The following CNNM2 variants were observed in gnomAD, a reference collection of about 807,000 sequenced individuals.
The protein encoded by CNNM2 is metal transporter CNNM2.
In CNNM2, 12 loss-of-function variants were observed where a neutral mutation model predicts 66.9. The ratio of observed to expected loss-of-function variants is 0.18; its 90% CI spans 0.11 to 0.29. The LOEUF is 0.29. Among genes scored for constraint, CNNM2 ranks in the 10% least tolerant of loss-of-function variants. CNNM2 has a pLI of 1.00. For synonymous variants in CNNM2, 557 were observed against 501.8 expected (o/e 1.11, Z -1.47); for missense variants, 705 against 1,167.7 (o/e 0.60, Z 5.77).
intron 1 of CNNM2, among the ~76,000 whole-genome samples, chr10:102,920,754 G>A (rs904031066): frequency 2.0e-5 from 3 of 152,138 alleles, no homozygotes; most frequent in Admixed American, 6.6e-5. Flanking sequence ...AAGAGTTGTT[G>A]TTGTTGTTTT....
At position 102,918,621 on chromosome 10, in the gene CNNM2, G is replaced by A; in HGVS notation, c.141G>A (p.Arg47=). Residue 47 remains arginine, a synonymous_variant, in exon 1 of 8, where the codon CGG becomes CGA. Transcript: ENST00000369878. This position sits in a 1 kb window ranked among gnomAD's most constrained non-coding sequence, Gnocchi z 4.1. ...GGATCCTGCAGGCGGCTGCGGGGCG[G>A]CTGCTGCCGCTGCTCCTGCTGAGCT... The part of the protein sequence containing the change: ...GRGILQAAAG[R]LLPLLLLSCC... 1.3e-6 allele frequency: 2 copies of A among 1,542,876 alleles called. No homozygotes were observed. Among genetic ancestry groups the A allele is most frequent in the Non-Finnish European group, 1.7e-6 (2 of 1,145,384 alleles).
intron 1 of CNNM2, among the ~76,000 whole-genome samples, chr10:103,026,212 A>T (rs1397783359): frequency 6.6e-6 from 1 of 152,208 alleles, no homozygotes; most frequent in Non-Finnish European, 1.5e-5. Flanking sequence ...CACAAAATGG[A>T]CTGAGACAGT....
chr10:102,976,804 C>G (rs767841870), intron 1 of CNNM2, among the ~76,000 whole-genome samples: 10 of 151,696 alleles, frequency 6.6e-5, no homozygotes, highest in Non-Finnish European at 1.5e-4. Flanking sequence ...TTCAAACTCT[C>G]TGAGCTTCAG....
chr10:103,066,029 C>T (rs1241182079), intron 4 of CNNM2, among the ~76,000 whole-genome samples: 1 of 152,170 alleles, frequency 6.6e-6, no homozygotes, highest in African/African-American at 2.4e-5. Flanking sequence ...ACTGATTCCT[C>T]TGTAGGGTAG....
At chr10:103,055,256 G>T (rs116625729) in intron 3 of CNNM2, among the ~76,000 whole-genome samples, 15 of 152,288 alleles carry the variant, frequency 9.8e-5, no homozygotes, top group African/African-American at 3.6e-4. Flanking sequence ...AGAAGACATC[G>T]GTGTCCCTGA....
chr10:103,004,920 T>G (rs137987524), intron 1 of CNNM2, among the ~76,000 whole-genome samples: 2 of 152,346 alleles, frequency 1.3e-5, no homozygotes, highest in Non-Finnish European at 2.9e-5. Flanking sequence ...GAGAAAGAAC[T>G]AGTGTTTCAA....
chr10:103,058,508 T>C (rs2065331568), intron 4 of CNNM2, among the ~76,000 whole-genome samples: 1 of 152,244 alleles, frequency 6.6e-6, no homozygotes, highest in South Asian at 2.1e-4. Flanking sequence ...TCAGTAATGC[T>C]TTATTGCTAT....
At chr10:102,932,016 A>T (rs1411228806) in intron 1 of CNNM2, among the ~76,000 whole-genome samples, 1 of 152,082 alleles carries the variant, frequency 6.6e-6, no homozygotes, top group Non-Finnish European at 1.5e-5. Context: ...CCCATTTTTA[A>T]CTTGGGTTAT....
At chr10:103,068,343 ATC>A (rs1466165927) in intron 4 of CNNM2, 1 of 315,688 alleles carries the variant, frequency 3.2e-6, no homozygotes, top group African/African-American at 2.1e-5. Context: ...AAGGAGATCT[ATC>A]TCTACAAAGA....
At chr10:102,972,643 A>G (rs539152119) in intron 1 of CNNM2, among the ~76,000 whole-genome samples, 1 of 152,284 alleles carries the variant, frequency 6.6e-6, no homozygotes, top group South Asian at 2.1e-4. Flanking sequence ...CAAAATAAAA[A>G]AAGCTCCCTG....
intron 1 of CNNM2, among the ~76,000 whole-genome samples, chr10:103,026,927 G>A (rs1330099194): frequency 6.6e-6 from 1 of 152,144 alleles, no homozygotes; most frequent in Non-Finnish European, 1.5e-5. Flanking sequence ...GCTGGTGCAT[G>A]GTACAGTGCT....
At chr10:102,955,879 A>C (rs1418999436) in intron 1 of CNNM2, among the ~76,000 whole-genome samples, 1 of 152,250 alleles carries the variant, frequency 6.6e-6, no homozygotes, top group Non-Finnish European at 1.5e-5. Context: ...GAAACAGGCC[A>C]GGAGCGTTGG....
At chr10:103,038,084 C>T (rs910289709) in intron 1 of CNNM2, among the ~76,000 whole-genome samples, 16 of 152,230 alleles carry the variant, frequency 1.1e-4, no homozygotes, top group Admixed American at 7.2e-4. Flanking sequence ...AAGCCATTTG[C>T]GCACCTTAGC....
chr10:102,921,123 G>A, intron 1 of CNNM2: 1 of 772,598 alleles, frequency 1.3e-6, no homozygotes, highest in Non-Finnish European at 1.6e-6. Flanking sequence ...CAGGTAAATA[G>A]CAACTTGTAC....
At chr10:103,022,298 A>G (rs569977814) in intron 1 of CNNM2, among the ~76,000 whole-genome samples, 16 of 152,146 alleles carry the variant, frequency 1.1e-4, no homozygotes, top group Non-Finnish European at 1.9e-4. Context: ...TGAGTATTTT[A>G]TATGTAATTT....
intron 1 of CNNM2, among the ~76,000 whole-genome samples, chr10:103,047,798 C>T (rs952711735): frequency 1.3e-5 from 2 of 152,160 alleles, no homozygotes; most frequent in African/African-American, 4.8e-5. Flanking sequence ...TGACAGATTG[C>T]AATATTCAAT....
chr10:103,070,559 T>C (rs1375461890), intron 5 of CNNM2, among the ~76,000 whole-genome samples: 2 of 151,844 alleles, frequency 1.3e-5, no homozygotes, highest in African/African-American at 4.8e-5. Context: ...AAACTAGGAG[T>C]GGGTTGTACA....
intron 1 of CNNM2, among the ~76,000 whole-genome samples, chr10:102,952,457 G>A (rs960478845): frequency 1.3e-4 from 20 of 151,990 alleles, no homozygotes; most frequent in Admixed American, 8.5e-4. Flanking sequence ...CCAGCTACTC[G>A]GGAAGCTGAG....
intron 1 of CNNM2, among the ~76,000 whole-genome samples, chr10:103,020,051 T>C (rs976725480): frequency 1.3e-5 from 2 of 152,224 alleles, no homozygotes; most frequent in Non-Finnish European, 2.9e-5. Flanking sequence ...TCTTAAGTTA[T>C]TAGTATGTCA....
Sources: allele counts gnomAD v4.1 joint callset (sites outside exome capture counted in the v4.1 genomes callset), GRCh38; gene constraint gnomAD v4.1.1; non-coding constraint Gnocchi (gnomAD v3.1); transcripts MANE v1.5; gene names NCBI Gene and HGNC (gene_info 2026-07-23, HGNC 2026-07-21).